Variants in GABRR2 observed in about 807,000 individuals in gnomAD.
GABRR2 encodes the protein gamma-aminobutyric acid type A receptor subunit rho2.
Under a neutral mutation model 47.0 loss-of-function variants are expected in GABRR2, and 36 were observed. That is an observed-to-expected ratio of 0.77 (90% confidence interval 0.59 to 1.01). The LOEUF (loss-of-function observed/expected upper bound fraction) is 1.01. Ranked by LOEUF, GABRR2 falls within the 50% of genes least tolerant of loss-of-function variation. The pLI is 0.00. For missense variants in GABRR2, 587 were observed against 594.6 expected (o/e 0.99, Z 0.13); for synonymous variants, 204 against 227.5 (o/e 0.90, Z 0.93).
intron 1 of GABRR2, among the ~76,000 whole-genome samples, chr6:89,301,102 A>C (rs1232685478): frequency 6.6e-6 from 1 of 152,238 alleles, no homozygotes; most frequent in African/African-American, 2.4e-5. Context: ...CAAATCAATA[A>C]ATGTGATTCA....
intron 1 of GABRR2, among the ~76,000 whole-genome samples, chr6:89,305,094 A>G (rs992291860): frequency 1.3e-5 from 2 of 152,260 alleles, no homozygotes; most frequent in Non-Finnish European, 2.9e-5. Flanking sequence ...ATGGTGGCTC[A>G]CAGCTGTAAT....
chr6:89,313,732 C>T (rs1425672498), intron 1 of GABRR2, among the ~76,000 whole-genome samples: 1 of 152,140 alleles, frequency 6.6e-6, no homozygotes, highest in African/African-American at 2.4e-5. Context: ...GCCTGGCCAA[C>T]ATGGTGAAAC....
intron 2 of GABRR2, among the ~76,000 whole-genome samples, chr6:89,293,739 A>G (rs1053817113): frequency 2.0e-5 from 3 of 152,224 alleles, no homozygotes; most frequent in Admixed American, 6.5e-5. Context: ...GTAAGCTCTG[A>G]TCCTGCCACT....
intron 2 of GABRR2, among the ~76,000 whole-genome samples, chr6:89,281,931 C>T (rs147782525): frequency 7.9e-5 from 12 of 152,272 alleles, no homozygotes; most frequent in Admixed American, 2.6e-4. Flanking sequence ...TCAGCACCCG[C>T]GTCTGCTTAC....
In GABRR2 at chr6:89,292,746, G is replaced by A. The variant is rs142195124; in HGVS notation, c.220+7013C>T. Among the ~76,000 whole-genome samples the A allele has an allele frequency of 1.0e-4, 9 of 89,248 alleles. 1 individual carries two copies. Among genetic ancestry groups the A allele is most frequent in the South Asian group, 3.6e-4 (1 of 2,810 alleles). 58.6% of individuals were successfully genotyped at this position (89,248 alleles called of 152,430 possible). A position where few individuals can be genotyped will look rare whatever the true frequency, so the allele number is the denominator to read the frequency against. ...TATATCGTATATATCATATATAATC[G>A]TATATATCGTATATACGATATATCG... On this transcript the variant is annotated intron_variant, in intron 2 of 8. Transcript: ENST00000402938.
chr6:89,308,141 G>A (rs1266735713), intron 1 of GABRR2, among the ~76,000 whole-genome samples: 1 of 152,166 alleles, frequency 6.6e-6, no homozygotes, highest in Non-Finnish European at 1.5e-5. Flanking sequence ...GGCAACAGGT[G>A]TGTTTCCTGT....
At chr6:89,259,667 C>G (rs1404681883) in intron 8 of GABRR2, among the ~76,000 whole-genome samples, 1 of 151,866 alleles carries the variant, frequency 6.6e-6, no homozygotes, top group Non-Finnish European at 1.5e-5. Flanking sequence ...CCATGCCCAG[C>G]TAATTTTTGT....
chr6:89,268,969 G>A lies in GABRR2; in HGVS notation c.512+42C>T, dbSNP rs759263104. On this transcript the variant is annotated intron_variant, in intron 4 of 8. Coordinates refer to ENST00000402938, the MANE Select transcript of GABRR2 (RefSeq NM_002043.5). ...CCAAAGGGCCTGACCACACATACCAGAAAGGCACTGGACAGAGGAACAATG... is the reference window on the plus strand; with the variant it reads ...CCAAAGGGCCTGACCACACATACCAAAAAGGCACTGGACAGAGGAACAATG... 4 of 1,569,378 alleles carry A rather than the reference G, an allele frequency of 2.5e-6. No homozygotes were observed. The South Asian group carries it at 4.4e-5, about 17-fold the overall frequency.
Position 89,271,692 on chromosome 6 carries a change from T to TGCAC in GABRR2, c.250_251insGTGC (p.Gln84ArgfsTer29). 3.1e-6 allele frequency: 5 copies of TGCAC among 1,612,718 alleles called. No homozygotes were observed. The highest frequency in any genetic ancestry group is 4.2e-6 in the Non-Finnish European group (5 of 1,179,434). ...GGAGATGCTGTCCAGGCTCTCCACC[T>TGCAC]GTACGTCCACGCCCACCGGGATGGC... On this transcript the variant is annotated frameshift_variant, in exon 3 of 9. Coordinates refer to ENST00000402938, the MANE Select transcript of GABRR2 (RefSeq NM_002043.5). LOFTEE classifies it high-confidence loss of function.
At chr6:89,282,295 C>T (rs1437822671) in intron 2 of GABRR2, among the ~76,000 whole-genome samples, 1 of 152,200 alleles carries the variant, frequency 6.6e-6, no homozygotes, top group East Asian at 1.9e-4. Context: ...GTCTACCCAT[C>T]TGTCTTCTTC....
intron 3 of GABRR2, chr6:89,270,442 A>G (rs1350106620): frequency 1.3e-5 from 2 of 152,254 alleles, no homozygotes; most frequent in Non-Finnish European, 2.9e-5. Flanking sequence ...CAGCACAGAC[A>G]TCTGGGTTGA....
rs544913337 is a variant in GABRR2, at chr6:89,267,598, T to C, written c.736+81A>G. 4.1e-6 allele frequency: 5 copies of C among 1,233,158 alleles called. No homozygotes were observed. In the South Asian group the frequency reaches 4.3e-5, roughly 11 times the overall value. The allele number at this position is 1,233,158 out of a possible 1,614,324, so 76.4% of individuals were successfully genotyped here. A position where few individuals can be genotyped will look rare whatever the true frequency, so the allele number is the denominator to read the frequency against. On this transcript the variant is annotated intron_variant, in intron 6 of 8. Transcript: ENST00000402938. Reference sequence around the variant, plus strand: ...AAAAACAAAACACACACAAAACATATTTTCCTGGGGTTAAGGCTGAAGAAG... The same window carrying C: ...AAAAACAAAACACACACAAAACATACTTTCCTGGGGTTAAGGCTGAAGAAG...
At position 89,271,697 on chromosome 6, in the gene GABRR2, G is replaced by A. The variant is rs764222221; in HGVS notation, c.246C>T (p.Asp82=). 5.6e-6 allele frequency: 9 copies of A among 1,612,492 alleles called. No homozygotes were observed. Among genetic ancestry groups the A allele is most frequent in the East Asian group, 2.2e-5 (1 of 44,844 alleles). The change falls in exon 3 of 9, where the codon GAC becomes GAT. Residue 82 remains aspartate (D), a synonymous_variant. Coordinates refer to ENST00000402938, the MANE Select transcript of GABRR2 (RefSeq NM_002043.5). ...TGCTGTCCAGGCTCTCCACCTGTAC[G>A]TCCACGCCCACCGGGATGGCAGGGC... ...FGGPAIPVGV[D]VQVESLDSIS...
rs201899100 is a variant in GABRR2, at chr6:89,264,601, C to T, written c.897G>A (p.Thr299=). Residue 299 remains threonine (T), a synonymous_variant, in exon 8 of 9, where the codon ACG becomes ACA. Coordinates refer to ENST00000402938, the MANE Select transcript of GABRR2 (RefSeq NM_002043.5). ...AVPARVSLGI[T]TVLTMTTIIT... is the part of the protein sequence containing the mutation. ...TGATGGTGGTCATGGTCAGCACCGT[C>T]GTGATACCTGCAACACCCGGCCTTA... The T allele has an allele frequency of 4.9e-5, 79 of 1,614,092 alleles. No individual in the cohort carries two copies. Among genetic ancestry groups the T allele is most frequent in the East Asian group, 6.7e-5 (3 of 44,862 alleles).
chr6:89,277,311 A>G (rs528269201), intron 2 of GABRR2, among the ~76,000 whole-genome samples: 6 of 152,286 alleles, frequency 3.9e-5, no homozygotes, highest in African/African-American at 1.4e-4. Flanking sequence ...AAGTTTCCTG[A>G]GGCTTCCCAA....
intron 1 of GABRR2, among the ~76,000 whole-genome samples, chr6:89,312,842 T>C (rs1371399783): frequency 1.3e-5 from 2 of 152,240 alleles, no homozygotes; most frequent in South Asian, 2.1e-4. Context: ...CCTTGAAATG[T>C]ATGTGTTCAT....
Position 89,256,915 on chromosome 6 carries a change from A to G in GABRR2, c.*755T>C, listed in dbSNP as rs966745814. 3.3e-5 allele frequency among the ~76,000 whole-genome samples: 5 copies of G among 152,188 alleles called. No individual in the cohort carries two copies. The highest frequency in any genetic ancestry group is 3.3e-4 in the Admixed American group (5 of 15,282). ...ACCCTGCCTTATATGCCTAAGAGTA[A>G]AAGCAACAGCAAACAGAATGGGTCT... On this transcript the variant is annotated 3_prime_UTR_variant, in exon 9 of 9. Transcript: ENST00000402938.
intron 8 of GABRR2, among the ~76,000 whole-genome samples, chr6:89,263,601 T>C (rs573297619): frequency 6.6e-5 from 10 of 152,286 alleles, no homozygotes; most frequent in African/African-American, 2.4e-4. Context: ...CAGCTCACTG[T>C]AACCTCTGCC....
intron 2 of GABRR2, among the ~76,000 whole-genome samples, chr6:89,288,708 A>G (rs1000303870): frequency 6.6e-6 from 1 of 152,038 alleles, no homozygotes; most frequent in African/African-American, 2.4e-5. Context: ...TGGAATACAG[A>G]TAGCTCACTC....
Sources: gnomAD v4.1 joint callset for allele counts (sites outside exome capture counted in the v4.1 genomes callset) on GRCh38, gnomAD v4.1.1 for gene constraint, MANE v1.5 for transcripts, NCBI Gene and HGNC (gene_info 2026-07-23, HGNC 2026-07-21) for gene names.